Variants in IMMP2L observed in about 807,000 individuals in gnomAD.
IMMP2L encodes the protein mitochondrial inner membrane protease subunit 2.
Under a neutral mutation model 19.3 loss-of-function variants are expected in IMMP2L, and 18 were observed. The observed-to-expected ratio is 0.93, with a 90% confidence interval of 0.64 to 1.38. The LOEUF (loss-of-function observed/expected upper bound fraction) is 1.38. IMMP2L is among the 40% of genes most tolerant of loss of function. The probability of loss-of-function intolerance (pLI) is 0.00; values close to 1 mark genes in which losing one functional copy is unlikely to be tolerated. For missense variants in IMMP2L, 233 were observed against 218.2 expected, an observed-to-expected ratio of 1.07 and a Z score of -0.43; for synonymous variants, 76 against 73.0, an observed-to-expected ratio of 1.04 and a Z score of -0.21.
chr7:111,329,447 A>C (rs1410771111), intron 3 of IMMP2L, among the ~76,000 whole-genome samples: 1 of 151,888 alleles, frequency 6.6e-6, no homozygotes, highest in African/African-American at 2.4e-5. Flanking sequence ...GCAGTTCAGG[A>C]GAAACTACAC....
At chr7:110,713,704 G>T (rs1484718213) in intron 5 of IMMP2L, among the ~76,000 whole-genome samples, 1 of 149,024 alleles carries the variant, frequency 6.7e-6, no homozygotes, top group Non-Finnish European at 1.5e-5. Context: ...TGTGGCTATT[G>T]TAAATGGGAT....
chr7:111,557,823 T>C (rs1325790507), intron 1 of IMMP2L, among the ~76,000 whole-genome samples: 1 of 151,826 alleles, frequency 6.6e-6, no homozygotes, highest in Non-Finnish European at 1.5e-5. Context: ...TCAATGCAGA[T>C]AGATATACTA....
intron 3 of IMMP2L, among the ~76,000 whole-genome samples, chr7:111,094,767 A>C (rs1195143811): frequency 6.6e-6 from 1 of 152,136 alleles, no homozygotes; most frequent in African/African-American, 2.4e-5. Context: ...ACATGATAAC[A>C]ATTATTTCTT....
chr7:111,335,035 G>T (rs1054129125), intron 3 of IMMP2L, among the ~76,000 whole-genome samples: 2 of 151,984 alleles, frequency 1.3e-5, no homozygotes, highest in Admixed American at 1.3e-4. Context: ...AGCAGGAGCA[G>T]TTTATAGGCC....
intron 3 of IMMP2L, among the ~76,000 whole-genome samples, chr7:111,033,360 T>A (rs1791025007): frequency 1.3e-5 from 2 of 152,252 alleles, no homozygotes; most frequent in South Asian, 4.1e-4. Flanking sequence ...GAACTCTCAC[T>A]CATTGCTGGT....
rs879277777 is a variant in IMMP2L, at chr7:111,430,974, G to A, written c.239+56264C>T. Among the ~76,000 whole-genome samples, 17 of 151,848 alleles carry A rather than the reference G, an allele frequency of 1.1e-4. 1 individual carries two copies. The highest frequency in any genetic ancestry group is 3.4e-3 in the Middle Eastern group (1 of 294). ...ATACAAAAATTAGTCAGACGTGGTGGTGAGTGCCTGTAGGGCCAGCTACTC... is the reference window on the plus strand; with the variant it reads ...ATACAAAAATTAGTCAGACGTGGTGATGAGTGCCTGTAGGGCCAGCTACTC... On this transcript the variant is annotated intron_variant, in intron 3 of 5. Transcript: ENST00000405709.
intron 3 of IMMP2L, among the ~76,000 whole-genome samples, chr7:111,197,123 C>T (rs1347946354): frequency 1.3e-5 from 2 of 151,932 alleles, no homozygotes; most frequent in Non-Finnish European, 2.9e-5. Flanking sequence ...TGAGGAAGTA[C>T]CAACTCTTAC....
At chr7:110,898,698 T>C (rs1021164168) in intron 4 of IMMP2L, among the ~76,000 whole-genome samples, 18 of 152,042 alleles carry the variant, frequency 1.2e-4, no homozygotes, top group African/African-American at 4.3e-4. Flanking sequence ...ATTTAAGAGT[T>C]GGGGCACATA....
chr7:110,955,912 A>G (rs1271551870), intron 4 of IMMP2L, among the ~76,000 whole-genome samples: 1 of 151,996 alleles, frequency 6.6e-6, no homozygotes, highest in African/African-American at 2.4e-5. Context: ...TATTATTCAG[A>G]GCTACTGCAC....
At chr7:111,218,802 T>C (rs1198421219) in intron 3 of IMMP2L, among the ~76,000 whole-genome samples, 1 of 152,050 alleles carries the variant, frequency 6.6e-6, no homozygotes, top group African/African-American at 2.4e-5. Context: ...GAAATTACTT[T>C]CCCCATGAAC....
At chr7:111,386,553 G>T (rs1338646713) in intron 3 of IMMP2L, among the ~76,000 whole-genome samples, 1 of 152,138 alleles carries the variant, frequency 6.6e-6, no homozygotes, top group Non-Finnish European at 1.5e-5. Flanking sequence ...GTGAATGAAT[G>T]TATGTGAGAG....
intron 1 of IMMP2L, among the ~76,000 whole-genome samples, chr7:111,554,643 G>A (rs907240376): frequency 1.1e-4 from 16 of 151,558 alleles, no homozygotes; most frequent in Admixed American, 1.3e-4. Context: ...TATTATTTGA[G>A]ATGGAGTCTT....
At position 111,054,977 on chromosome 7, in the gene IMMP2L, G is replaced by A. The variant is rs183957837; in HGVS notation, c.240-91412C>T. ...ACAAAATAGTTGGGCTGGCTCAAAA[G>A]TGACCACCACTAGTAGCACTGACCC... On this transcript the variant is annotated intron_variant, in intron 3 of 5. Transcript: ENST00000405709. 2.4e-3 allele frequency among the ~76,000 whole-genome samples: 361 copies of A among 151,652 alleles called. 2 individuals carry two copies. Among genetic ancestry groups the A allele is most frequent in the South Asian group, 4.6e-3 (22 of 4,790 alleles).
At chr7:111,420,632 C>A (rs1835415719) in intron 3 of IMMP2L, among the ~76,000 whole-genome samples, 1 of 145,670 alleles carries the variant, frequency 6.9e-6, no homozygotes, top group African/African-American at 2.6e-5. Flanking sequence ...GTTCAATTCC[C>A]ACCTATGAGT....
chr7:110,738,134 T>C (rs1196819419), intron 5 of IMMP2L, among the ~76,000 whole-genome samples: 1 of 152,192 alleles, frequency 6.6e-6, no homozygotes, highest in Non-Finnish European at 1.5e-5. Context: ...ATTCTGCTAA[T>C]ATGATAAAAC....
chr7:111,085,370 A>G (rs151087368), intron 3 of IMMP2L, among the ~76,000 whole-genome samples: 6 of 152,334 alleles, frequency 3.9e-5, no homozygotes, highest in Non-Finnish European at 5.9e-5. Context: ...ACAACAGTGT[A>G]AAAGTGTTCC....
intron 3 of IMMP2L, among the ~76,000 whole-genome samples, chr7:111,412,560 A>C (rs1450818308): frequency 6.6e-6 from 1 of 151,870 alleles, no homozygotes; most frequent in African/African-American, 2.4e-5. Context: ...CCACAAGGGA[A>C]ATTTAAAAAC....
At chr7:110,875,514 A>G (rs1390288940) in intron 5 of IMMP2L, among the ~76,000 whole-genome samples, 1 of 152,160 alleles carries the variant, frequency 6.6e-6, no homozygotes, top group African/African-American at 2.4e-5. Context: ...ACTTGTAGAA[A>G]TGACATAATT....
chr7:111,199,683 C>T (rs1194506498), intron 3 of IMMP2L, among the ~76,000 whole-genome samples: 3 of 152,064 alleles, frequency 2.0e-5, no homozygotes, highest in African/African-American at 7.3e-5. Flanking sequence ...GGTGAAGGAG[C>T]TTTGAGCAGT....
Sources: gnomAD v4.1 joint callset for allele counts (sites outside exome capture counted in the v4.1 genomes callset) on GRCh38, gnomAD v4.1.1 for gene constraint, MANE v1.5 for transcripts, NCBI Gene and HGNC (gene_info 2026-07-23, HGNC 2026-07-21) for gene names.